Variants in DGKH observed in about 807,000 individuals in gnomAD.
DGKH encodes the protein diacylglycerol kinase eta, also known as DAG kinase eta.
DGKH carries 90 observed loss-of-function variants against 159.3 expected under a neutral mutation model. That is an observed-to-expected ratio of 0.57 (90% CI 0.48 to 0.67). The LOEUF is 0.67. DGKH is among the 30% of genes least tolerant of loss of function. The pLI is 0.00. For synonymous variants in DGKH, 536 were observed against 553.8 expected, an observed-to-expected ratio of 0.97 and a Z score of 0.45; for missense variants, 1,181 against 1,506.1, an observed-to-expected ratio of 0.78 and a Z score of 3.57.
At chr13:42,171,709 A>C (rs1956458771) in intron 11 of DGKH, among the ~76,000 whole-genome samples, 1 of 151,770 alleles carries the variant, frequency 6.6e-6, no homozygotes, top group African/African-American at 2.4e-5. Context: ...CTGGAATGTT[A>C]GCTTCATTGG....
At chr13:42,183,744 G>A (rs900974191) in intron 13 of DGKH, among the ~76,000 whole-genome samples, 1 of 152,164 alleles carries the variant, frequency 6.6e-6, no homozygotes, top group Non-Finnish European at 1.5e-5. Flanking sequence ...TATCTTCTGA[G>A]AATCACAGCT....
At chr13:42,154,042 T>C (rs1281623543) in intron 3 of DGKH, 4 of 152,226 alleles carry the variant, frequency 2.6e-5, no homozygotes, top group Non-Finnish European at 5.9e-5. Flanking sequence ...TCTGTTGTTT[T>C]GAATATTGGA....
Position 42,048,859 on chromosome 13 carries a change from C to A in DGKH, c.86C>A (p.Ala29Asp). ...GCCGGCGCCGCGGTCACCTCCGCCGCTGCCTCGGCGGGGCCGGGAGAGGAT... is the reference window on the plus strand; with the variant it reads ...GCCGGCGCCGCGGTCACCTCCGCCGATGCCTCGGCGGGGCCGGGAGAGGAT... Reference protein sequence around the residue: ...AGAGAAVTSAAASAGPGEDSS... With the variant: ...AGAGAAVTSADASAGPGEDSS... Residue 29 changes from alanine (A) to aspartate (D), a missense_variant, in exon 1 of 30, where the codon GCT becomes GAT. Transcript: ENST00000337343. This position sits in a 1 kb window ranked among gnomAD's most constrained non-coding sequence, Gnocchi z 6.7. The A allele has an allele frequency of 7.3e-7, 1 of 1,373,904 alleles. No individual in the cohort carries two copies. The highest frequency in any genetic ancestry group is 9.4e-7 in the Non-Finnish European group (1 of 1,060,134). The allele number at this position is 1,373,904 out of a possible 1,614,324, so 85.1% of individuals were successfully genotyped here. A position where few individuals can be genotyped will look rare whatever the true frequency, so the allele number is the denominator to read the frequency against.
chr13:42,077,944 A>C (rs947917645), intron 1 of DGKH, among the ~76,000 whole-genome samples: 1 of 152,220 alleles, frequency 6.6e-6, no homozygotes, highest in African/African-American at 2.4e-5. Flanking sequence ...TATTTCTTTA[A>C]AAGAGAAATA....
chr13:42,128,731 C>T (rs566960892), intron 2 of DGKH, among the ~76,000 whole-genome samples: 1 of 152,206 alleles, frequency 6.6e-6, no homozygotes, highest in South Asian at 2.1e-4. Flanking sequence ...TCTATCTTAC[C>T]TTAAAGTTAG....
At chr13:42,216,864 G>A (rs1407505055) in intron 26 of DGKH, among the ~76,000 whole-genome samples, 1 of 152,150 alleles carries the variant, frequency 6.6e-6, no homozygotes, top group African/African-American at 2.4e-5. Context: ...GGTCCTATAG[G>A]AAATCCAGTG....
chr13:42,058,674 C>G (rs1007643583), intron 1 of DGKH, among the ~76,000 whole-genome samples: 1 of 152,192 alleles, frequency 6.6e-6, no homozygotes, highest in East Asian at 1.9e-4. Context: ...CTTGGCCCAC[C>G]ATTAGACTTC....
intron 3 of DGKH, among the ~76,000 whole-genome samples, chr13:42,145,627 A>T (rs954799319): frequency 6.6e-6 from 1 of 152,216 alleles, no homozygotes; most frequent in Non-Finnish European, 1.5e-5. Flanking sequence ...GGCCCTTGAC[A>T]TCAGGACTTG....
rs1958411190 is a variant in DGKH, at chr13:42,236,295, T to C, written c.*7107T>C. 1.3e-5 allele frequency: 2 copies of C among 152,228 alleles called. No homozygotes were observed. Among genetic ancestry groups the C allele is most frequent in the African/African-American group, 4.8e-5 (2 of 41,470 alleles). 9.4% of individuals were successfully genotyped at this position (152,228 alleles called of 1,614,324 possible). A position where few individuals can be genotyped will look rare whatever the true frequency, so the allele number is the denominator to read the frequency against. ...TGTAGTTCTGTTGATGATTTACTTA[T>C]GTACTTGAAGTACTCATTTCTGTCA... On this transcript the variant is annotated 3_prime_UTR_variant, in exon 30 of 30. Transcript: ENST00000337343.
At chr13:42,053,598 GTA>G (rs1593954894) in intron 1 of DGKH, among the ~76,000 whole-genome samples, 2 of 90,842 alleles carry the variant, frequency 2.2e-5, no homozygotes, top group East Asian at 2.1e-4. Context: ...CTATATATAT[GTA>G]TATATATAAC....
intron 30 of DGKH, chr13:42,252,629 G>A (rs941755195): frequency 1.6e-4 from 24 of 152,674 alleles, no homozygotes; most frequent in African/African-American, 5.3e-4. Flanking sequence ...GGATGCTCAG[G>A]CTTGAAGGTA....
chr13:42,049,044 G>A (rs1881021602), intron 1 of DGKH, 79 bp downstream of exon 1: 1 of 1,194,658 alleles, frequency 8.4e-7, no homozygotes, highest in Non-Finnish European at 1.0e-6. Context: ...GAACGCGCCG[G>A]GCGATCCCGG....
rs1958410290 is a variant in DGKH at position 42,236,218 on chromosome 13, T to C, written c.*7030T>C. 1 of 152,222 alleles carries C rather than the reference T, an allele frequency of 6.6e-6. No homozygotes were observed. The highest frequency in any genetic ancestry group is 6.5e-5 in the Admixed American group (1 of 15,284). The allele number at this position is 152,222 out of a possible 1,614,324, so 9.4% of individuals were successfully genotyped here. A position where few individuals can be genotyped will look rare whatever the true frequency, so the allele number is the denominator to read the frequency against. On this transcript the variant is annotated 3_prime_UTR_variant, in exon 30 of 30. Transcript: ENST00000337343. ...ATTATGTTGTGAAACTTAAGCTTTA[T>C]ATGAAATACATATTCTAGCTCTTTT...
intron 15 of DGKH, 123 bp downstream of exon 15, chr13:42,189,432 G>A: frequency 7.8e-7 from 1 of 1,287,606 alleles, no homozygotes; most frequent in Non-Finnish European, 1.0e-6. Context: ...AGGCAAGATA[G>A]AAGATACAGT....
At chr13:42,168,018 T>C (rs1367788653) in intron 9 of DGKH, among the ~76,000 whole-genome samples, 1 of 152,146 alleles carries the variant, frequency 6.6e-6, no homozygotes, top group Non-Finnish European at 1.5e-5. Flanking sequence ...AATACAATGA[T>C]TGGTGTCTTT....
intron 16 of DGKH, 89 bp from the exon 17 acceptor site, chr13:42,194,796 A>T: frequency 7.1e-7 from 1 of 1,404,388 alleles, no homozygotes; most frequent in South Asian, 1.4e-5. Flanking sequence ...ATTGATTTAA[A>T]CATTATTTTA....
At chr13:42,155,998 G>A (rs1956034836) in intron 5 of DGKH, among the ~76,000 whole-genome samples, 199 bp downstream of exon 5, 1 of 149,836 alleles carries the variant, frequency 6.7e-6, no homozygotes, top group African/African-American at 2.4e-5. Flanking sequence ...AAGAAACTAG[G>A]AACTACTGTC....
downstream of DGKH, among the ~76,000 whole-genome samples, chr13:42,246,915 C>T (rs1390247368): frequency 6.6e-6 from 1 of 152,096 alleles, no homozygotes; most frequent in African/African-American, 2.4e-5. Flanking sequence ...TGTGTATATA[C>T]ACACACATGC....
chr13:42,145,890 G>A (rs1334758176), intron 3 of DGKH, among the ~76,000 whole-genome samples: 2 of 152,210 alleles, frequency 1.3e-5, no homozygotes, highest in African/African-American at 4.8e-5. Flanking sequence ...AGCATTCTGT[G>A]TTATAGATCT....
Sources: gnomAD v4.1 joint callset for allele counts (sites outside exome capture counted in the v4.1 genomes callset) on GRCh38, gnomAD v4.1.1 for gene constraint, Gnocchi (gnomAD v3.1) non-coding constraint, MANE v1.5 for transcripts, NCBI Gene and HGNC (gene_info 2026-07-23, HGNC 2026-07-21) for gene names.